GAMT: variants seen among roughly 807,000 people sequenced by gnomAD.
GAMT encodes guanidinoacetate N-methyltransferase.
Under a neutral mutation model 26.9 loss-of-function variants are expected in GAMT, and 26 were observed. That is an observed-to-expected ratio of 0.97 (90% CI 0.71 to 1.34). GAMT has a LOEUF of 1.34. Ranked by LOEUF, GAMT falls within the 40% of genes most tolerant of loss-of-function variation. The pLI is 0.00. For missense variants in GAMT, 412 were observed against 345.0 expected, an observed-to-expected ratio of 1.19 and a Z score of -1.54; for synonymous variants, 169 against 149.6, an observed-to-expected ratio of 1.13 and a Z score of -0.95.
Position 1,399,874 on chromosome 19 carries a change from G to T in GAMT, c.246C>A (p.Pro82=). The change falls in exon 2 of 6, where the codon CCC becomes CCA. Residue 82 remains proline, a synonymous_variant. Coordinates refer to ENST00000252288, the MANE Select transcript of GAMT (RefSeq NM_000156.6). This position sits in a 1 kb window ranked among gnomAD's most constrained non-coding sequence, Gnocchi z 6.2. ...ACTCGATGATCCAATGCTCATCAAT[G>T]GGCGCCTCCTGCACCTTTGACGCTG... The part of the protein sequence containing the change: ...AIAASKVQEA[P]IDEHWIIECN... 6.2e-7 allele frequency: 1 copy of T among 1,605,578 alleles called. No individual in the cohort carries two copies. Among genetic ancestry groups the T allele is most frequent in the Non-Finnish European group, 8.5e-7 (1 of 1,176,830 alleles).
At position 1,397,316 on chromosome 19, in the gene GAMT, G is replaced by A; in HGVS notation, c.*43C>T. Reference sequence around the variant, plus strand: ...GACACCCTGGACTCCCGGCCAGGAAGGCACGGAGGAGGGCATGGGTGTGGC... The same window carrying A: ...GACACCCTGGACTCCCGGCCAGGAAAGCACGGAGGAGGGCATGGGTGTGGC... On this transcript the variant is annotated 3_prime_UTR_variant, in exon 6 of 6. Coordinates refer to ENST00000252288, the MANE Select transcript of GAMT (RefSeq NM_000156.6). 3 of 1,582,414 alleles carry A rather than the reference G, an allele frequency of 1.9e-6. No homozygotes were observed. The highest frequency in any genetic ancestry group is 2.6e-6 in the Non-Finnish European group (3 of 1,166,804).
Position 1,399,024 on chromosome 19 carries a change from G to T in GAMT, c.462C>A (p.Asn154Lys). The change falls in exon 5 of 6, where the codon AAC becomes AAA. Residue 154 changes from asparagine to lysine, a missense_variant and splice_region_variant. Transcript: ENST00000252288. This position sits in a 1 kb window ranked among gnomAD's most constrained non-coding sequence, Gnocchi z 6.2. The part of the protein sequence containing the change: ...WHTHQFNFIK[N>K]HAFRLLKPGG... ...CCGGCTTCAGCAGGCGAAAGGCGTGGTTCTGTGGAAGGGGAGTGGCCAGTG... is the reference window on the plus strand; with the variant it reads ...CCGGCTTCAGCAGGCGAAAGGCGTGTTTCTGTGGAAGGGGAGTGGCCAGTG... 1 of 1,613,484 alleles carries T rather than the reference G, an allele frequency of 6.2e-7. No individual in the cohort carries two copies. The highest frequency in any genetic ancestry group is 8.5e-7 in the Non-Finnish European group (1 of 1,180,002).
chr19:1,398,670 C>G (rs1477262621), intron 5 of GAMT: 10 of 1,393,066 alleles, frequency 7.2e-6, no homozygotes, highest in Non-Finnish European at 9.8e-6. Context: ...TCTTGAACTC[C>G]TAGGCTCAAG....
chr19:1,399,256 C>T lies in GAMT; in HGVS notation c.392-61G>A. 1 of 1,561,754 alleles carries T rather than the reference C, an allele frequency of 6.4e-7. No individual in the cohort carries two copies. Among genetic ancestry groups the T allele is most frequent in the Non-Finnish European group, 8.8e-7 (1 of 1,133,552 alleles). On this transcript the variant is annotated intron_variant, in intron 3 of 5. Transcript: ENST00000252288. This position sits in a 1 kb window ranked among gnomAD's most constrained non-coding sequence, Gnocchi z 6.2. ...GGGCTCAGCGCCTCACCCAGCCTCA[C>T]CCGGCTCATCCCCCAGCGGGTGGAG...
chr19:1,400,498 A>C (rs2082627864), intron 1 of GAMT, among the ~76,000 whole-genome samples: 1 of 152,120 alleles, frequency 6.6e-6, no homozygotes, highest in African/African-American at 2.4e-5. Context: ...TTTTGGGGCC[A>C]GGCCTGTGGG....
chr19:1,398,392 C>T (rs907317874), intron 5 of GAMT: 1 of 313,952 alleles, frequency 3.2e-6, no homozygotes, highest in Non-Finnish European at 5.9e-6. Flanking sequence ...GCCACCACGC[C>T]CAGCCTGATT....
rs769069222 is a variant in GAMT at position 1,399,932 on chromosome 19, C to T, written c.188G>A (p.Arg63Gln). 7 of 1,606,580 alleles carry T rather than the reference C, an allele frequency of 4.4e-6. No individual in the cohort carries two copies. Among genetic ancestry groups the T allele is most frequent in the African/African-American group, 2.7e-5 (2 of 74,980 alleles). Residue 63 changes from arginine (R) to glutamine (Q), a missense_variant, in exon 2 of 6, where the codon CGG becomes CAG. Coordinates refer to ENST00000252288, the MANE Select transcript of GAMT (RefSeq NM_000156.6). The surrounding 1 kb of genome is among the most constrained non-coding windows in gnomAD (Gnocchi z 6.2). ...LAAAASSKGGRVLEVGFGMAI... is the reference protein window; with the variant it reads ...LAAAASSKGGQVLEVGFGMAI... ...CATGCCAAAGCCCACCTCCAGGACC[C>T]GGCCCCCTGGGCAGACACAGGGCGC...
rs772373349 is a variant in GAMT, at chr19:1,399,142, ACTG to A, written c.442_444del (p.Gln148del). On this transcript the variant is annotated inframe_deletion, in exon 4 of 6. Coordinates refer to ENST00000252288, the MANE Select transcript of GAMT (RefSeq NM_000156.6). The surrounding 1 kb of genome is among the most constrained non-coding windows in gnomAD (Gnocchi z 6.2). ...GAGAGAACCACCTTGATGAAGTTGA[ACTG>A]GTGTGTGTGCCAGGTCTCCTCCGAG... is the stretch of plus-strand genomic sequence containing the variant. 5.0e-6 allele frequency: 8 copies of A among 1,613,614 alleles called. No individual in the cohort carries two copies. The highest frequency in any genetic ancestry group is 2.7e-5 in the African/African-American group (2 of 74,910).
chr19:1,398,420 TTTTCTTTCTTTC>T (rs111493245), intron 5 of GAMT: 3 of 348,538 alleles, frequency 8.6e-6, no homozygotes, highest in Admixed American at 8.7e-5. Context: ...TTTTTTTAAA[TTTTCTTTCTTTC>T]TTTCTTTCTT....
At chr19:1,398,344 C>T (rs1053312168) in intron 5 of GAMT, 9 of 206,118 alleles carry the variant, frequency 4.4e-5, no homozygotes, top group African/African-American at 1.4e-4. Flanking sequence ...GTGATCCACC[C>T]GCCTTGGCCT....
intron 5 of GAMT, 195 bp from the exon 6 acceptor site, chr19:1,397,694 G>A: frequency 1.4e-6 from 2 of 1,396,702 alleles, no homozygotes; most frequent in South Asian, 1.5e-5. Context: ...GCGGGCAGCA[G>A]CTTCCCGGCT....
intron 5 of GAMT, 95 bp downstream of exon 5, chr19:1,398,821 C>A (rs1488917800): frequency 1.3e-6 from 2 of 1,569,530 alleles, no homozygotes; most frequent in Non-Finnish European, 1.7e-6. Context: ...CAGGAAGGGA[C>A]CCTCCCCAGG....
At position 1,401,395 on chromosome 19, in the gene GAMT, C is replaced by G. The variant is rs1180553788; in HGVS notation, c.82G>C (p.Asp28His). The G allele has an allele frequency of 3.4e-6, 5 of 1,468,786 alleles. No homozygotes were observed. Among genetic ancestry groups the G allele is most frequent in the Non-Finnish European group, 4.5e-6 (5 of 1,114,482 alleles). 91.0% of individuals were successfully genotyped at this position (1,468,786 alleles called of 1,614,324 possible). The change falls in exon 1 of 6, where the codon GAC (aspartate) becomes CAC (histidine). Residue 28 changes from aspartate to histidine, a missense_variant. Physicochemically the swap from Asp to His is moderately conservative, Grantham distance 81. Transcript: ENST00000252288. Reference protein sequence around the residue: ...PAWGAAPAAYDAADTHLRILG... With the variant: ...PAWGAAPAAYHAADTHLRILG... ...ATGCGCAGGTGCGTGTCCGCTGCGT[C>G]GTAGGCCGCGGGCGCCGCCCCCCAC...
rs2082634075 is a variant in GAMT, at chr19:1,401,481, C to T, written c.-5G>A. On this transcript the variant is annotated 5_prime_UTR_variant, in exon 1 of 6. Coordinates refer to ENST00000252288, the MANE Select transcript of GAMT (RefSeq NM_000156.6). ...GGTCGCGCTGGGGGCGCTCATGCTGCAGGCTGGACGGCGACCCGACCTCGA... is the reference window on the plus strand; with the variant it reads ...GGTCGCGCTGGGGGCGCTCATGCTGTAGGCTGGACGGCGACCCGACCTCGA... 3 of 1,325,942 alleles carry T rather than the reference C, an allele frequency of 2.3e-6. No individual in the cohort carries two copies. Among genetic ancestry groups the T allele is most frequent in the Middle Eastern group, 2.8e-4 (1 of 3,560 alleles). 82.1% of individuals were successfully genotyped at this position (1,325,942 alleles called of 1,614,324 possible).
At chr19:1,400,344 T>C (rs1448331835) in intron 1 of GAMT, among the ~76,000 whole-genome samples, 2 of 151,818 alleles carry the variant, frequency 1.3e-5, no homozygotes, top group Non-Finnish European at 2.9e-5. Flanking sequence ...GCTATGTGAG[T>C]CACATTTGCC....
chr19:1,398,393 C>T, intron 5 of GAMT: 1 of 315,904 alleles, frequency 3.2e-6, no homozygotes, highest in Non-Finnish European at 5.8e-6. Flanking sequence ...CCACCACGCC[C>T]AGCCTGATTT....
At position 1,399,664 on chromosome 19, in the gene GAMT, G is replaced by A. The variant is rs1217885909; in HGVS notation, c.328-77C>T. 2.0e-6 allele frequency: 3 copies of A among 1,534,616 alleles called. No homozygotes were observed. The highest frequency in any genetic ancestry group is 1.9e-5 in the Admixed American group (1 of 53,574). ...TCTCCCCACCTGCAGAAAGGGAGCG[G>A]CCAGGGGGACTCCCGAGAGAGAAGA... On this transcript the variant is annotated intron_variant, in intron 2 of 5. Transcript: ENST00000252288. This position sits in a 1 kb window ranked among gnomAD's most constrained non-coding sequence, Gnocchi z 6.2.
At chr19:1,398,739 T>A (rs764059052) in intron 5 of GAMT, 177 bp downstream of exon 5, 30 of 1,545,550 alleles carry the variant, frequency 1.9e-5, no homozygotes, top group Non-Finnish European at 2.6e-5. Flanking sequence ...CCACTGCTCC[T>A]GGCAGCCACT....
chr19:1,399,836 ACGCC>A lies in GAMT; in HGVS notation c.280_283del (p.Gly94SerfsTer19). ...GGCCCAGTCCCGGAGCCGCTGGAAG[ACGCC>A]GTCATTGCACTCGATGATCCAATGC... On this transcript the variant is annotated frameshift_variant, in exon 2 of 6. Transcript: ENST00000252288. LOFTEE classifies it high-confidence loss of function. The surrounding 1 kb of genome is among the most constrained non-coding windows in gnomAD (Gnocchi z 6.2). 6.3e-7 allele frequency: 1 copy of A among 1,590,740 alleles called. No homozygotes were observed. Among genetic ancestry groups the A allele is most frequent in the Non-Finnish European group, 8.6e-7 (1 of 1,169,306 alleles).
Sources: gnomAD v4.1 joint callset for allele counts (sites outside exome capture counted in the v4.1 genomes callset) on GRCh38, gnomAD v4.1.1 for gene constraint, Gnocchi (gnomAD v3.1) non-coding constraint, MANE v1.5 for transcripts, NCBI Gene and HGNC (gene_info 2026-07-23, HGNC 2026-07-21) for gene names.